ATE1: variants seen among roughly 807,000 people sequenced by gnomAD.
ATE1 encodes the protein arginyltransferase 1, also known as arginyl-tRNA--protein transferase 1.
A neutral mutation model predicts 70.5 loss-of-function variants in ATE1; 36 were observed. That is an observed-to-expected ratio of 0.51 (90% CI 0.39 to 0.67). The LOEUF (loss-of-function observed/expected upper bound fraction) is 0.67, where lower values mean the gene tolerates loss of function less well. Among genes scored for constraint, ATE1 ranks in the 30% least tolerant of loss-of-function variants. ATE1 has a pLI of 0.00. For synonymous variants in ATE1, 232 were observed against 219.3 expected (o/e 1.06, Z -0.51); for missense variants, 593 against 629.5 (o/e 0.94, Z 0.62).
In ATE1 at chr10:121,912,427, A is replaced by T. The variant is rs185959507; in HGVS notation, c.338-1276T>A. On this transcript the variant is annotated intron_variant, in intron 4 of 11. Transcript: ENST00000224652. ...AGCACTTTGGGAGGCCAAGGCGGGC[A>T]GGTCACAAGGTCAAGAGTTTGAGAC... is the stretch of plus-strand genomic sequence containing the variant. Among the ~76,000 whole-genome samples, 1,071 of 151,592 alleles carry T rather than the reference A, an allele frequency of 7.1e-3. 23 individuals are homozygous for T. The highest frequency in any genetic ancestry group is 0.024 in the African/African-American group (1,013 of 41,450).
rs146438152 is a variant in ATE1, at chr10:121,871,735, A to C, written c.943-1697T>G. 6.2e-3 allele frequency among the ~76,000 whole-genome samples: 938 copies of C among 152,276 alleles called. 23 individuals are homozygous for C. The highest frequency in any genetic ancestry group is 0.021 in the African/African-American group (887 of 41,562). On this transcript the variant is annotated intron_variant, in intron 7 of 11. Coordinates refer to ENST00000224652, the MANE Select transcript of ATE1 (RefSeq NM_001001976.3). ...TAAACACTTCAGTAGGAAGCAAAAA[A>C]AAAGGAAAGAAAAGAAAAAAACAAA...
chr10:121,922,202 G>A (rs1590738092), intron 3 of ATE1, 147 bp downstream of exon 3: 1 of 613,352 alleles, frequency 1.6e-6, no homozygotes, highest in Non-Finnish European at 2.9e-6. Flanking sequence ...GCATCAGTAT[G>A]AAGAAAAGAC....
At chr10:121,869,971 C>G in intron 8 of ATE1, 35 bp downstream of exon 8, 2 of 1,563,968 alleles carry the variant, frequency 1.3e-6, no homozygotes, top group Non-Finnish European at 1.8e-6. Context: ...GTTCAATTAC[C>G]AATTCTAATA....
intron 8 of ATE1, among the ~76,000 whole-genome samples, chr10:121,861,251 G>C (rs1196927887): frequency 2.6e-5 from 4 of 151,946 alleles, no homozygotes; most frequent in Non-Finnish European, 5.9e-5. Context: ...GCCCCAAGCA[G>C]GAAAATCTTC....
intron 10 of ATE1, among the ~76,000 whole-genome samples, chr10:121,815,104 GAA>G (rs1290917447): frequency 6.6e-6 from 1 of 152,142 alleles, no homozygotes; most frequent in East Asian, 1.9e-4. Context: ...ATACACACCA[GAA>G]CTGGAAAAAG....
chr10:121,928,151 T>C (rs1952182592), upstream of ATE1: 1 of 1,275,388 alleles, frequency 7.8e-7, no homozygotes, highest in Non-Finnish European at 9.9e-7. Context: ...CTTTCCACTA[T>C]TTCCGTTCCT....
At position 121,790,152 on chromosome 10, in the gene ATE1, C is replaced by T. The variant is rs1366993583; in HGVS notation, c.1378+17G>A. 1.9e-6 allele frequency: 3 copies of T among 1,613,554 alleles called. No individual in the cohort carries two copies. Among genetic ancestry groups the T allele is most frequent in the South Asian group, 2.2e-5 (2 of 91,036 alleles). Reference sequence around the variant, plus strand: ...ACAAAGCCAATGATTTCCAGCTGAGCTCAGCTCCAAACATACCTGCTTCTG... The same window carrying T: ...ACAAAGCCAATGATTTCCAGCTGAGTTCAGCTCCAAACATACCTGCTTCTG... On this transcript the variant is annotated intron_variant, in intron 11 of 11. Transcript: ENST00000224652.
At chr10:121,928,172 G>A (rs992415812), upstream of ATE1, 22 of 1,296,804 alleles carry the variant, frequency 1.7e-5, no homozygotes, top group African/African-American at 6.2e-5. Context: ...TCTCCATAAG[G>A]GGCCGCCGTC....
At chr10:121,928,357 T>C, upstream of ATE1, 3 of 1,532,884 alleles carry the variant, frequency 2.0e-6, no homozygotes, top group Non-Finnish European at 2.6e-6. Context: ...CGCAGGACGC[T>C]TTGCCCTCCT....
At chr10:121,858,323 C>T (rs867352504) in intron 8 of ATE1, among the ~76,000 whole-genome samples, 2 of 152,274 alleles carry the variant, frequency 1.3e-5, no homozygotes, top group Non-Finnish European at 2.9e-5. Context: ...TTCTCTACAA[C>T]CATGCCAACA....
chr10:121,834,993 G>A (rs1015715180), intron 10 of ATE1, among the ~76,000 whole-genome samples: 1 of 152,082 alleles, frequency 6.6e-6, no homozygotes, highest in Non-Finnish European at 1.5e-5. Flanking sequence ...AGAGTTTTCT[G>A]CTCTGAACTA....
intron 9 of ATE1, among the ~76,000 whole-genome samples, chr10:121,838,600 T>C (rs1233173964): frequency 1.3e-5 from 2 of 152,200 alleles, no homozygotes; most frequent in Admixed American, 1.3e-4. Flanking sequence ...TAAAACAGGC[T>C]TCATGCCCAC....
At chr10:121,768,890 G>GA (rs997798212) in intron 11 of ATE1, among the ~76,000 whole-genome samples, 5 of 151,584 alleles carry the variant, frequency 3.3e-5, no homozygotes, top group Admixed American at 6.6e-5. Context: ...AACTGCTGAT[G>GA]AAAAAAAATC....
intron 10 of ATE1, among the ~76,000 whole-genome samples, chr10:121,822,725 C>T (rs930652845): frequency 1.3e-5 from 2 of 152,124 alleles, no homozygotes; most frequent in Non-Finnish European, 2.9e-5. Context: ...TGCAGAGTCA[C>T]CTTTCACATG....
At chr10:121,753,583 A>G (rs911745735) in intron 11 of ATE1, among the ~76,000 whole-genome samples, 1 of 152,204 alleles carries the variant, frequency 6.6e-6, no homozygotes, top group South Asian at 2.1e-4. Context: ...AAAAAATCAC[A>G]TCAACTTTAT....
At chr10:121,800,088 TAAG>T (rs1213009891) in intron 10 of ATE1, among the ~76,000 whole-genome samples, 2 of 152,220 alleles carry the variant, frequency 1.3e-5, no homozygotes, top group African/African-American at 4.8e-5. Flanking sequence ...TTGGCCTTTA[TAAG>T]AAGACGGATG....
At chr10:121,837,749 A>C (rs1477357666) in intron 9 of ATE1, among the ~76,000 whole-genome samples, 2 of 152,194 alleles carry the variant, frequency 1.3e-5, no homozygotes, top group Non-Finnish European at 2.9e-5. Flanking sequence ...ATCCAACCAG[A>C]CTAAACAATA....
At chr10:121,772,089 T>C (rs1373966832) in intron 11 of ATE1, among the ~76,000 whole-genome samples, 2 of 152,212 alleles carry the variant, frequency 1.3e-5, no homozygotes, top group East Asian at 3.9e-4. Context: ...AATTTTATAC[T>C]TTGTATACCC....
At chr10:121,926,621 TTAA>T in intron 1 of ATE1, 11 of 685,506 alleles carry the variant, frequency 1.6e-5, no homozygotes, top group Non-Finnish European at 2.0e-5. Context: ...TATTAAAATA[TTAA>T]TTTTAGGCAC....
Sources: gnomAD v4.1 joint callset for allele counts (sites outside exome capture counted in the v4.1 genomes callset) on GRCh38, gnomAD v4.1.1 for gene constraint, MANE v1.5 for transcripts, NCBI Gene and HGNC (gene_info 2026-07-23, HGNC 2026-07-21) for gene names.